Variants in HCN1 observed in about 807,000 individuals in gnomAD.
The protein encoded by HCN1 is potassium/sodium hyperpolarization-activated cyclic nucleotide-gated channel 1.
Under a neutral mutation model 78.9 loss-of-function variants are expected in HCN1, and 13 were observed. The observed-to-expected ratio is 0.16, with a 90% CI of 0.11 to 0.26. HCN1 has a LOEUF of 0.26. HCN1 is among the 10% of genes least tolerant of loss of function. The pLI is 1.00. For missense variants in HCN1, 810 were observed against 1,154.3 expected (o/e 0.70, Z 4.32); for synonymous variants, 552 against 455.5 (o/e 1.21, Z -2.70).
intron 3 of HCN1, among the ~76,000 whole-genome samples, chr5:45,445,442 C>T (rs995873350): frequency 1.3e-5 from 2 of 152,206 alleles, no homozygotes; most frequent in African/African-American, 4.8e-5. Flanking sequence ...TCTGTAGGCT[C>T]CACCTCTGGG....
intron 6 of HCN1, among the ~76,000 whole-genome samples, chr5:45,277,872 T>G (rs1745095893): frequency 6.6e-6 from 1 of 152,082 alleles, no homozygotes; most frequent in African/African-American, 2.4e-5. Flanking sequence ...AAAGAATGAA[T>G]AGCTAGAATA....
chr5:45,449,999 AT>A (rs1003007907), intron 3 of HCN1, among the ~76,000 whole-genome samples: 10 of 152,114 alleles, frequency 6.6e-5, no homozygotes, highest in African/African-American at 2.4e-4. Flanking sequence ...CGTCCGGCTA[AT>A]TTTTGTATTT....
intron 2 of HCN1, among the ~76,000 whole-genome samples, chr5:45,531,057 TACACAC>T (rs34789584): frequency 3.5e-5 from 5 of 144,196 alleles, no homozygotes; most frequent in East Asian, 2.0e-4. Flanking sequence ...CTAACACACA[TACACAC>T]ACACACACAC....
intron 4 of HCN1, among the ~76,000 whole-genome samples, chr5:45,357,008 T>C (rs1028935402): frequency 6.6e-6 from 1 of 152,092 alleles, no homozygotes; most frequent in Non-Finnish European, 1.5e-5. Flanking sequence ...ATTTATTTCT[T>C]GGGTAATTAG....
At chr5:45,586,315 C>T (rs1385627277) in intron 2 of HCN1, among the ~76,000 whole-genome samples, 2 of 152,194 alleles carry the variant, frequency 1.3e-5, no homozygotes, top group East Asian at 3.9e-4. Context: ...GTGTAGGACC[C>T]TCTGAGCCAA....
intron 3 of HCN1, among the ~76,000 whole-genome samples, chr5:45,409,138 CAA>C (rs1561143777): frequency 6.6e-6 from 1 of 151,908 alleles, no homozygotes; most frequent in African/African-American, 2.4e-5. Flanking sequence ...GATAATTAAA[CAA>C]GAGACTATAT....
intron 2 of HCN1, among the ~76,000 whole-genome samples, chr5:45,586,980 C>T (rs1042639116): frequency 1.3e-5 from 2 of 152,146 alleles, no homozygotes; most frequent in African/African-American, 2.4e-5. Context: ...TCCATTATAT[C>T]TTTAAGACTA....
At chr5:45,559,196 G>C (rs1175799372) in intron 2 of HCN1, 1 of 151,956 alleles carries the variant, frequency 6.6e-6, no homozygotes, top group Non-Finnish European at 1.5e-5. Context: ...CAAGAGCTCT[G>C]ATGGATATGT....
At chr5:45,679,112 T>C (rs1739654301) in intron 1 of HCN1, among the ~76,000 whole-genome samples, 1 of 152,054 alleles carries the variant, frequency 6.6e-6, no homozygotes, top group Admixed American at 6.6e-5. Flanking sequence ...TATGACTGAA[T>C]ACCTCTGGGA....
chr5:45,480,359 T>A (rs1741623271), intron 2 of HCN1, among the ~76,000 whole-genome samples: 1 of 152,230 alleles, frequency 6.6e-6, no homozygotes, highest in Non-Finnish European at 1.5e-5. Flanking sequence ...TTCTCTAAGT[T>A]TTAATAACTT....
intron 6 of HCN1, 107 bp downstream of exon 6, chr5:45,303,492 G>T (rs1315405429): frequency 1.0e-5 from 11 of 1,085,546 alleles, no homozygotes; most frequent in Admixed American, 5.3e-5. Context: ...TCACATACAG[G>T]TTTACATTCA....
rs1744649862 is a variant in HCN1, at chr5:45,257,806, AG to A, written c.*4114del. ...AAATAACCATATTGAATACAGTTATAGAACTGTATTTTATTTATTTGTATGT... is the reference window on the plus strand; with the variant it reads ...AAATAACCATATTGAATACAGTTATAAACTGTATTTTATTTATTTGTATGT... On this transcript the variant is annotated 3_prime_UTR_variant, in exon 8 of 8. Coordinates refer to ENST00000303230, the MANE Select transcript of HCN1 (RefSeq NM_021072.4). 1 of 152,170 alleles carries A rather than the reference AG, an allele frequency of 6.6e-6. No homozygotes were observed. Among genetic ancestry groups the A allele is most frequent in the Non-Finnish European group, 1.5e-5 (1 of 68,034 alleles). 9.4% of individuals were successfully genotyped at this position (152,170 alleles called of 1,614,324 possible).
chr5:45,586,431 C>G (rs890059815), intron 2 of HCN1, among the ~76,000 whole-genome samples: 3 of 152,162 alleles, frequency 2.0e-5, no homozygotes, highest in African/African-American at 7.2e-5. Context: ...TTACCCCTTT[C>G]TGTGACTAGG....
chr5:45,288,687 G>A (rs1471406808), intron 6 of HCN1, among the ~76,000 whole-genome samples: 1 of 151,984 alleles, frequency 6.6e-6, no homozygotes, highest in African/African-American at 2.4e-5. Context: ...GAAAGAATCA[G>A]GCATTAAATC....
At chr5:45,604,873 T>G (rs1744695590) in intron 2 of HCN1, among the ~76,000 whole-genome samples, 3 of 152,082 alleles carry the variant, frequency 2.0e-5, no homozygotes, top group South Asian at 4.1e-4. Context: ...AGACCGCATC[T>G]AAACAGTGAT....
intron 3 of HCN1, among the ~76,000 whole-genome samples, chr5:45,454,832 G>A (rs537054705): frequency 6.6e-6 from 1 of 152,164 alleles, no homozygotes; most frequent in Non-Finnish European, 1.5e-5. Context: ...AATTGTATAT[G>A]TGAGCTTACA....
At chr5:45,466,161 A>T (rs1200137687) in intron 2 of HCN1, among the ~76,000 whole-genome samples, 1 of 152,176 alleles carries the variant, frequency 6.6e-6, no homozygotes, top group Non-Finnish European at 1.5e-5. Context: ...ACTATACAAC[A>T]GATATCCATA....
chr5:45,536,406 C>G (rs1742970399), intron 2 of HCN1, among the ~76,000 whole-genome samples: 1 of 152,154 alleles, frequency 6.6e-6, no homozygotes, highest in Admixed American at 6.6e-5. Flanking sequence ...GAGAAAAGTT[C>G]CATCTTCAAC....
At chr5:45,679,731 CATTT>C (rs1255845684) in intron 1 of HCN1, among the ~76,000 whole-genome samples, 1 of 152,030 alleles carries the variant, frequency 6.6e-6, no homozygotes, top group African/African-American at 2.4e-5. Context: ...TAAAAAATCA[CATTT>C]AATAAAATTG....
Sources: gnomAD v4.1 joint callset for allele counts (sites outside exome capture counted in the v4.1 genomes callset) on GRCh38, gnomAD v4.1.1 for gene constraint, MANE v1.5 for transcripts, NCBI Gene and HGNC (gene_info 2026-07-23, HGNC 2026-07-21) for gene names.